The following ADA variants were observed in gnomAD, a reference collection of about 807,000 sequenced individuals.
ADA encodes adenosine deaminase, also known as adenosine aminohydrolase.
A neutral mutation model predicts 49.0 loss-of-function variants in ADA; 45 were observed. The ratio of observed to expected loss-of-function variants is 0.92; its 90% CI spans 0.72 to 1.18. The LOEUF is 1.18. Among genes scored for constraint, ADA ranks in the 50% most tolerant of loss-of-function variants. ADA has a pLI of 0.00. For synonymous variants in ADA, 173 were observed against 184.2 expected, an observed-to-expected ratio of 0.94 and a Z score of 0.49; for missense variants, 445 against 472.5, an observed-to-expected ratio of 0.94 and a Z score of 0.54.
chr20:44,620,988 T>G, intron 10 of ADA, 30 bp downstream of exon 10: 1 of 1,613,190 alleles, frequency 6.2e-7, no homozygotes, highest in Non-Finnish European at 8.5e-7. Flanking sequence ...CAAACCCGAG[T>G]CAAGGCCAGT....
chr20:44,625,586 C>G lies in ADA; in HGVS notation c.461G>C (p.Cys154Ser). ...CTACTCACTGGGCTGGTGGCGCATG[C>G]AGCACAGGATGGACCGGGCCTTGAC... ...FGVKARSILC[C>S]MRHQPNWSPK... The change falls in exon 5 of 12, where the codon TGC (cysteine) becomes TCC (serine). Residue 154 changes from cysteine to serine, a missense_variant. Coordinates refer to ENST00000372874, the MANE Select transcript of ADA (RefSeq NM_000022.4). 1 of 1,585,124 alleles carries G rather than the reference C, an allele frequency of 6.3e-7. No homozygotes were observed. The highest frequency in any genetic ancestry group is 8.6e-7 in the Non-Finnish European group (1 of 1,165,906).
intron 6 of ADA, among the ~76,000 whole-genome samples, chr20:44,623,532 A>G (rs2065352287): frequency 6.6e-6 from 1 of 152,164 alleles, no homozygotes; most frequent in Admixed American, 6.5e-5. Flanking sequence ...AGTCATCCCA[A>G]TAGAAGAAAC....
At chr20:44,651,194 G>T (rs2065642194) in intron 1 of ADA, among the ~76,000 whole-genome samples, 1 of 152,180 alleles carries the variant, frequency 6.6e-6, no homozygotes, top group Admixed American at 6.5e-5. Context: ...AGTAGGCGCC[G>T]GGCACAGCAC....
intron 1 of ADA, among the ~76,000 whole-genome samples, chr20:44,644,079 G>A (rs544891118): frequency 6.5e-4 from 95 of 145,338 alleles, no homozygotes; most frequent in African/African-American, 1.3e-3. Context: ...GAGCAGGGCC[G>A]TCTACCTCCA....
In ADA at chr20:44,629,164, C is replaced by G. The variant is rs1251027847; in HGVS notation, c.101G>C (p.Arg34Thr). The G allele has an allele frequency of 1.2e-6, 2 of 1,614,200 alleles. No individual in the cohort carries two copies. Among genetic ancestry groups the G allele is most frequent in the South Asian group, 1.1e-5 (1 of 91,088 alleles). The change falls in exon 3 of 12, where the codon AGA becomes ACA. Residue 34 changes from arginine (R) to threonine (T), a missense_variant. Physicochemically the swap from Arg to Thr is moderately conservative, Grantham distance 71 (BLOSUM62 -1). Transcript: ENST00000372874. ...PETILYYGRR[R>T]GIALPANTAE... ...TGTGTTAGCTGGGAGGGCGATCCCT[C>G]TCCTCCTGGAAACAAAACAGTGAGT... is the stretch of plus-strand genomic sequence containing the variant.
Position 44,645,139 on chromosome 20 carries a change from T to G in ADA, c.33+6436A>C, listed in dbSNP as rs1483329329. 3.3e-5 allele frequency among the ~76,000 whole-genome samples: 5 copies of G among 151,968 alleles called. No individual in the cohort carries two copies. In the South Asian group the frequency reaches 8.3e-4, roughly 25 times the overall value. ...GGCTCACTCTTGAAATCCCAGCACT[T>G]TGGGAGGCTGAGGTGGGTGGATCAC... On this transcript the variant is annotated intron_variant, in intron 1 of 11. Coordinates refer to ENST00000372874, the MANE Select transcript of ADA (RefSeq NM_000022.4).
chr20:44,651,006 C>G (rs2065639826), intron 1 of ADA, among the ~76,000 whole-genome samples: 1 of 152,348 alleles, frequency 6.6e-6, no homozygotes, highest in South Asian at 2.1e-4. Context: ...GCCCCAAACC[C>G]AGGGCCTACC....
chr20:44,644,488 G>A (rs1292037552), intron 1 of ADA, among the ~76,000 whole-genome samples: 1 of 152,190 alleles, frequency 6.6e-6, no homozygotes, highest in Non-Finnish European at 1.5e-5. Flanking sequence ...GGGCAGAGGA[G>A]CCAGGGCTGC....
At chr20:44,636,066 G>C in intron 2 of ADA, 161 bp downstream of exon 2, 2 of 714,326 alleles carry the variant, frequency 2.8e-6, no homozygotes, top group Non-Finnish European at 5.0e-6. Context: ...CAGTGCTGAG[G>C]CCTCCATGTC....
In ADA at chr20:44,646,836, C is replaced by T. The variant is rs574742066; in HGVS notation, c.33+4739G>A. On this transcript the variant is annotated intron_variant, in intron 1 of 11. Coordinates refer to ENST00000372874, the MANE Select transcript of ADA (RefSeq NM_000022.4). ...GCATAAAGTGGAATTGGCAAATGAG[C>T]AAAGCAATGAACAGCTTCTACTTGA... 1.4e-4 allele frequency among the ~76,000 whole-genome samples: 22 copies of T among 151,980 alleles called. 1 individual carries two copies. Among genetic ancestry groups the T allele is most frequent in the African/African-American group, 5.3e-4 (22 of 41,318 alleles).
At chr20:44,650,010 T>C (rs6017378) in intron 1 of ADA, among the ~76,000 whole-genome samples, 59,293 of 152,130 alleles carry the variant, frequency 0.39, 11,756 homozygotes, top group South Asian at 0.54. Flanking sequence ...GCTGGGATTA[T>C]AGGCGTGAGC....
At chr20:44,640,466 G>C (rs1303671518) in intron 1 of ADA, among the ~76,000 whole-genome samples, 9 of 142,614 alleles carry the variant, frequency 6.3e-5, no homozygotes, top group Non-Finnish European at 1.4e-4. Context: ...TCAGGAGTTC[G>C]AGACCAGCCT....
intron 2 of ADA, among the ~76,000 whole-genome samples, chr20:44,632,332 T>C (rs569235059): frequency 3.3e-5 from 5 of 152,224 alleles, no homozygotes; most frequent in South Asian, 4.1e-4. Context: ...AGGAAGGGAC[T>C]GGGGCTTTGG....
chr20:44,638,251 C>T (rs938506665), intron 1 of ADA, among the ~76,000 whole-genome samples: 1 of 152,214 alleles, frequency 6.6e-6, no homozygotes, highest in African/African-American at 2.4e-5. Context: ...GAGTTCTTGG[C>T]ACATAGCAAA....
intron 9 of ADA, among the ~76,000 whole-genome samples, chr20:44,622,120 G>A (rs1204029216): frequency 6.6e-6 from 1 of 152,200 alleles, no homozygotes. Flanking sequence ...CTTGACCCTG[G>A]TTAGACTCCA....
At chr20:44,633,417 C>G (rs141999970) in intron 2 of ADA, among the ~76,000 whole-genome samples, 19 of 152,266 alleles carry the variant, frequency 1.2e-4, no homozygotes, top group Non-Finnish European at 2.6e-4. Flanking sequence ...GAAAAACATC[C>G]AGTGTGGACT....
intron 8 of ADA, 64 bp from the exon 9 acceptor site, chr20:44,622,716 T>C: frequency 6.2e-7 from 1 of 1,612,200 alleles, no homozygotes; most frequent in Non-Finnish European, 8.5e-7. Context: ...TCCCCCCATG[T>C]CTGGGCCTGG....
intron 1 of ADA, among the ~76,000 whole-genome samples, chr20:44,638,593 GAATAA>G (rs1248531298): frequency 2.0e-5 from 3 of 152,018 alleles, no homozygotes; most frequent in Non-Finnish European, 4.4e-5. Flanking sequence ...TAAAAAATAA[GAATAA>G]AATAAAAGTC....
intron 1 of ADA, among the ~76,000 whole-genome samples, chr20:44,646,840 G>A (rs1486695200): frequency 6.6e-6 from 1 of 151,866 alleles, no homozygotes; most frequent in Non-Finnish European, 1.5e-5. Context: ...AATGAGCAAA[G>A]CAATGAACAG....
Sources: allele counts gnomAD v4.1 joint callset (sites outside exome capture counted in the v4.1 genomes callset), GRCh38; gene constraint gnomAD v4.1.1; transcripts MANE v1.5; gene names NCBI Gene and HGNC (gene_info 2026-07-23, HGNC 2026-07-21).